EDIL3: variants seen among roughly 807,000 people sequenced by gnomAD.
EDIL3 encodes EGF-like repeat and discoidin I-like domain-containing protein 3.
EDIL3 carries 37 observed loss-of-function variants against 67.4 expected under a neutral mutation model. The ratio of observed to expected loss-of-function variants is 0.55; its 90% confidence interval spans 0.42 to 0.72. The LOEUF (loss-of-function observed/expected upper bound fraction) is 0.72, where lower values mean the gene tolerates loss of function less well. EDIL3 is among the 30% of genes least tolerant of loss of function. The pLI is 0.00. For synonymous variants in EDIL3, 195 were observed against 196.3 expected, an observed-to-expected ratio of 0.99 and a Z score of 0.05; for missense variants, 527 against 586.3, an observed-to-expected ratio of 0.90 and a Z score of 1.04.
intron 4 of EDIL3, among the ~76,000 whole-genome samples, chr5:84,173,482 C>T (rs899814911): frequency 6.6e-6 from 1 of 152,122 alleles, no homozygotes; most frequent in African/African-American, 2.4e-5. Flanking sequence ...GACTGCCCCC[C>T]TCTCCCGCCC....
chr5:84,175,099 A>G (rs1181292373), intron 4 of EDIL3, among the ~76,000 whole-genome samples: 1 of 152,124 alleles, frequency 6.6e-6, no homozygotes, highest in East Asian at 1.9e-4. Context: ...ACTGGACCAC[A>G]CTGTATGTAA....
chr5:84,058,021 T>G (rs769719361), intron 9 of EDIL3, among the ~76,000 whole-genome samples: 3 of 152,094 alleles, frequency 2.0e-5, no homozygotes, highest in Non-Finnish European at 4.4e-5. Flanking sequence ...CAGAATGGAT[T>G]TGGCAGCAAA....
At chr5:83,951,205 A>C in intron 10 of EDIL3, among the ~76,000 whole-genome samples, 1 of 151,772 alleles carries the variant, frequency 6.6e-6, no homozygotes, top group Non-Finnish European at 1.5e-5. Context: ...ATCCATTTAA[A>C]CCATTAAAAT....
At chr5:84,291,731 G>GATCT (rs57928422) in intron 1 of EDIL3, among the ~76,000 whole-genome samples, 55,348 of 137,960 alleles carry the variant, frequency 0.4, 11,175 homozygotes, top group South Asian at 0.5. Flanking sequence ...TATCTATATA[G>GATCT]ATCTATCTAT....
chr5:83,977,623 A>G (rs976441172), intron 9 of EDIL3, among the ~76,000 whole-genome samples: 2 of 151,764 alleles, frequency 1.3e-5, no homozygotes, highest in African/African-American at 4.8e-5. Flanking sequence ...GAACATATAT[A>G]TGGGTTTTCA....
At chr5:84,193,270 C>T (rs754751381) in intron 3 of EDIL3, among the ~76,000 whole-genome samples, 15 of 151,742 alleles carry the variant, frequency 9.9e-5, no homozygotes, top group Admixed American at 2.6e-4. Flanking sequence ...TGTGATAGGA[C>T]GCCTGGATTA....
chr5:84,132,518 T>A (rs1580342293), intron 5 of EDIL3, among the ~76,000 whole-genome samples: 2 of 105,288 alleles, frequency 1.9e-5, no homozygotes, highest in Non-Finnish European at 3.6e-5. Flanking sequence ...AATATATATT[T>A]TAATATATAT....
chr5:84,036,873 G>A (rs373215560), intron 9 of EDIL3, among the ~76,000 whole-genome samples: 1 of 152,132 alleles, frequency 6.6e-6, no homozygotes, highest in Admixed American at 6.5e-5. Flanking sequence ...TGGCCAAGAA[G>A]ATTTTGTTTT....
intron 1 of EDIL3, among the ~76,000 whole-genome samples, chr5:84,337,177 A>G (rs1404924959): frequency 6.6e-6 from 1 of 152,166 alleles, no homozygotes; most frequent in Non-Finnish European, 1.5e-5. Context: ...TCTGATAACC[A>G]AGCTCTGCAC....
chr5:84,201,279 C>T (rs1743825695), intron 3 of EDIL3, among the ~76,000 whole-genome samples: 1 of 151,980 alleles, frequency 6.6e-6, no homozygotes, highest in African/African-American at 2.4e-5. Context: ...CAAATAGATG[C>T]TAGGATGAGA....
intron 3 of EDIL3, among the ~76,000 whole-genome samples, chr5:84,214,790 T>C (rs759099588): frequency 6.6e-6 from 1 of 151,942 alleles, no homozygotes; most frequent in Non-Finnish European, 1.5e-5. Flanking sequence ...CAATTTCGGC[T>C]TCACTGCAAC....
chr5:84,052,104 G>A (rs561456543), intron 9 of EDIL3, among the ~76,000 whole-genome samples: 16 of 152,310 alleles, frequency 1.1e-4, no homozygotes, highest in East Asian at 1.9e-4. Context: ...GACTAACAGC[G>A]GATCTCTCGG....
intron 4 of EDIL3, among the ~76,000 whole-genome samples, chr5:84,148,766 C>T (rs577428457): frequency 1.3e-5 from 2 of 152,190 alleles, no homozygotes; most frequent in Admixed American, 6.6e-5. Flanking sequence ...AAACTCACTA[C>T]TCAGTGCTAA....
At chr5:84,147,197 T>C (rs979834699) in intron 4 of EDIL3, among the ~76,000 whole-genome samples, 3 of 152,174 alleles carry the variant, frequency 2.0e-5, no homozygotes, top group Non-Finnish European at 2.9e-5. Flanking sequence ...ATCTTCTGTT[T>C]GTGGCATCTT....
intron 4 of EDIL3, among the ~76,000 whole-genome samples, chr5:84,171,201 T>A (rs933743859): frequency 6.6e-6 from 1 of 152,176 alleles, no homozygotes; most frequent in African/African-American, 2.4e-5. Context: ...TTATTGTTTT[T>A]CTGGCAATCA....
At chr5:84,195,717 G>A (rs549774011) in intron 3 of EDIL3, among the ~76,000 whole-genome samples, 61 of 152,084 alleles carry the variant, frequency 4.0e-4, no homozygotes, top group African/African-American at 1.4e-3. Context: ...TAACCATATT[G>A]TGGAAGATTA....
chr5:84,073,148 T>C (rs532643306), intron 6 of EDIL3, among the ~76,000 whole-genome samples: 92 of 152,058 alleles, frequency 6.1e-4, no homozygotes, highest in African/African-American at 2.0e-3. Flanking sequence ...ATTCAACAAC[T>C]CTTCATGCTA....
At chr5:84,340,553 T>TATATATATATGTTAGTCTAC (rs1747088537) in intron 1 of EDIL3, among the ~76,000 whole-genome samples, 2 of 140,916 alleles carry the variant, frequency 1.4e-5, no homozygotes, top group African/African-American at 5.1e-5. Context: ...TATATATATA[T>TATATATATATGTTAGTCTAC]ATATATATAT....
intron 6 of EDIL3, among the ~76,000 whole-genome samples, chr5:84,090,874 G>C (rs1481508922): frequency 6.6e-6 from 1 of 151,872 alleles, no homozygotes; most frequent in East Asian, 1.9e-4. Context: ...CTTGAACCCG[G>C]GAGGCGGAGG....
Sources: allele counts gnomAD v4.1 joint callset (sites outside exome capture counted in the v4.1 genomes callset), GRCh38; gene constraint gnomAD v4.1.1; transcripts MANE v1.5; gene names NCBI Gene and HGNC (gene_info 2026-07-23, HGNC 2026-07-21).